Variants in TEAD1 observed in about 807,000 individuals in gnomAD.
TEAD1 encodes the protein TEA domain transcription factor 1.
Under a neutral mutation model 54.9 loss-of-function variants are expected in TEAD1, and 9 were observed. That is an observed-to-expected ratio of 0.16 (90% confidence interval 0.10 to 0.29). The LOEUF is 0.29. TEAD1 is among the 10% of genes least tolerant of loss of function. The pLI is 1.00. For synonymous variants in TEAD1, 200 were observed against 187.8 expected (o/e 1.07, Z -0.53); for missense variants, 387 against 535.9 (o/e 0.72, Z 2.74).
chr11:12,832,188 T>C (rs1420369333), intron 3 of TEAD1, among the ~76,000 whole-genome samples: 2 of 152,218 alleles, frequency 1.3e-5, no homozygotes, highest in Non-Finnish European at 1.5e-5. Flanking sequence ...GCTTCTAAGC[T>C]CTGTTCATTT....
chr11:12,699,673 A>T (rs1461467859), intron 2 of TEAD1, among the ~76,000 whole-genome samples: 1 of 152,218 alleles, frequency 6.6e-6, no homozygotes, highest in Non-Finnish European at 1.5e-5. Flanking sequence ...GGAAGTTTCC[A>T]TGTCTCTTTA....
At chr11:12,750,264 T>C (rs1157159266) in intron 2 of TEAD1, among the ~76,000 whole-genome samples, 1 of 152,110 alleles carries the variant, frequency 6.6e-6, no homozygotes, top group African/African-American at 2.4e-5. Context: ...AGCCTCTCTT[T>C]AGGGATGAGG....
At chr11:12,819,913 G>C (rs1007736800) in intron 3 of TEAD1, among the ~76,000 whole-genome samples, 1 of 152,076 alleles carries the variant, frequency 6.6e-6, no homozygotes, top group Non-Finnish European at 1.5e-5. Flanking sequence ...CCCCGATTGT[G>C]AGTCAGCTCT....
intron 3 of TEAD1, among the ~76,000 whole-genome samples, chr11:12,809,846 G>A (rs1946255263): frequency 6.6e-6 from 1 of 152,132 alleles, no homozygotes; most frequent in African/African-American, 2.4e-5. Flanking sequence ...TCCGAGCCCT[G>A]TGCCTGGCAA....
chr11:12,786,679 A>G (rs1273411487), intron 3 of TEAD1, among the ~76,000 whole-genome samples: 2 of 152,070 alleles, frequency 1.3e-5, no homozygotes, highest in African/African-American at 4.8e-5. Context: ...GTCAGATGCC[A>G]CTCTAGGCAC....
intron 3 of TEAD1, among the ~76,000 whole-genome samples, chr11:12,831,091 C>A (rs115917031): frequency 2.0e-5 from 3 of 152,138 alleles, no homozygotes; most frequent in Non-Finnish European, 2.9e-5. Flanking sequence ...CTTTGGCAGA[C>A]GAAGCTCTCT....
intron 3 of TEAD1, among the ~76,000 whole-genome samples, chr11:12,781,951 C>CAAAAAAAAAAAAA (rs71454001): frequency 1.5e-4 from 10 of 64,798 alleles, no homozygotes; most frequent in Middle Eastern, 0.01. Context: ...CTCGTCTGTA[C>CAAAAAAAAAAAAA]AAAAAAAAAA....
At chr11:12,813,994 T>A (rs1282893454) in intron 3 of TEAD1, among the ~76,000 whole-genome samples, 1 of 152,102 alleles carries the variant, frequency 6.6e-6, no homozygotes, top group East Asian at 1.9e-4. Flanking sequence ...GCAAGGAGGA[T>A]GTTTCTTTCC....
intron 3 of TEAD1, among the ~76,000 whole-genome samples, chr11:12,850,292 C>T (rs140017817): frequency 3.9e-4 from 59 of 152,282 alleles, no homozygotes; most frequent in Admixed American, 7.8e-4. Context: ...AACAATTAGC[C>T]TGGCGTGGTG....
At chr11:12,698,793 T>G (rs1372442115) in intron 2 of TEAD1, among the ~76,000 whole-genome samples, 2 of 152,204 alleles carry the variant, frequency 1.3e-5, no homozygotes, top group African/African-American at 4.8e-5. Context: ...AATTAGGGCA[T>G]GCGCATTAAG....
In TEAD1 at chr11:12,912,530, A is replaced by T. The variant is rs6486071; in HGVS notation, c.873+10417A>T. Among the ~76,000 whole-genome samples the T allele has an allele frequency of 3.8e-3, 572 of 151,966 alleles. 4 individuals are homozygous for T. Among genetic ancestry groups the T allele is most frequent in the African/African-American group, 0.013 (537 of 41,412 alleles). Reference sequence around the variant, plus strand: ...GAGGTGGCGAGAGGTCCCCATGGCCACTGGGGCTTACCGAACTCAGAGAAT... The same window carrying T: ...GAGGTGGCGAGAGGTCCCCATGGCCTCTGGGGCTTACCGAACTCAGAGAAT... On this transcript the variant is annotated intron_variant, in intron 10 of 12. Coordinates refer to ENST00000527636, the MANE Select transcript of TEAD1 (RefSeq NM_021961.6).
chr11:12,904,339 T>C (rs983288436), intron 10 of TEAD1, among the ~76,000 whole-genome samples: 2 of 152,232 alleles, frequency 1.3e-5, no homozygotes, highest in Admixed American at 6.5e-5. Flanking sequence ...AAATGAAAAT[T>C]AGAATACTGG....
intron 2 of TEAD1, among the ~76,000 whole-genome samples, chr11:12,676,900 G>A (rs1388126387): frequency 6.6e-6 from 1 of 152,134 alleles, no homozygotes; most frequent in Admixed American, 6.5e-5. Flanking sequence ...CTTGCTGATG[G>A]TATCAAAATG....
intron 3 of TEAD1, among the ~76,000 whole-genome samples, chr11:12,819,447 A>G (rs889181150): frequency 6.6e-6 from 1 of 151,820 alleles, no homozygotes; most frequent in Non-Finnish European, 1.5e-5. Flanking sequence ...CACGGTAACA[A>G]AGTTTTTTGT....
chr11:12,675,813 A>G (rs977495358), intron 2 of TEAD1, among the ~76,000 whole-genome samples: 1 of 152,224 alleles, frequency 6.6e-6, no homozygotes, highest in Admixed American at 6.5e-5. Context: ...CTCCCCTCTC[A>G]TGAAAATAAA....
chr11:12,740,592 C>T (rs543612326), intron 2 of TEAD1, among the ~76,000 whole-genome samples: 60 of 152,192 alleles, frequency 3.9e-4, no homozygotes, highest in Admixed American at 5.9e-4. Context: ...TGGTAGAAGA[C>T]AAAACAGGTA....
At chr11:12,907,107 C>G (rs1351593143) in intron 10 of TEAD1, among the ~76,000 whole-genome samples, 2 of 152,172 alleles carry the variant, frequency 1.3e-5, no homozygotes, top group African/African-American at 4.8e-5. Flanking sequence ...TACCATTTTA[C>G]ATTCTCACCA....
chr11:12,749,797 G>A (rs1249267087), intron 2 of TEAD1, among the ~76,000 whole-genome samples: 1 of 151,904 alleles, frequency 6.6e-6, no homozygotes, highest in Non-Finnish European at 1.5e-5. Flanking sequence ...TTTAATTGAG[G>A]GGGGAACAGT....
At chr11:12,931,026 G>A (rs545921884) in intron 12 of TEAD1, among the ~76,000 whole-genome samples, 2 of 152,236 alleles carry the variant, frequency 1.3e-5, no homozygotes, top group Non-Finnish European at 2.9e-5. Flanking sequence ...AACACTTTGG[G>A]AGGCCAAGGT....
Sources: allele counts gnomAD v4.1 joint callset (sites outside exome capture counted in the v4.1 genomes callset), GRCh38; gene constraint gnomAD v4.1.1; transcripts MANE v1.5; gene names NCBI Gene and HGNC (gene_info 2026-07-23, HGNC 2026-07-21).